The following CDH9 variants were observed in gnomAD, a reference collection of about 807,000 sequenced individuals.
CDH9 encodes cadherin-9.
In CDH9, 28 loss-of-function variants were observed where a neutral mutation model predicts 70.9. The observed-to-expected ratio is 0.40, with a 90% CI of 0.29 to 0.54. CDH9 has a LOEUF of 0.54. Among genes scored for constraint, CDH9 ranks in the 20% least tolerant of loss-of-function variants. The pLI is 0.59. For missense variants in CDH9, 874 were observed against 984.4 expected, an observed-to-expected ratio of 0.89 and a Z score of 1.50; for synonymous variants, 409 against 343.1, an observed-to-expected ratio of 1.19 and a Z score of -2.12.
intron 3 of CDH9, among the ~76,000 whole-genome samples, chr5:26,914,822 A>C (rs1741120150): frequency 6.6e-6 from 1 of 152,080 alleles, no homozygotes; most frequent in Non-Finnish European, 1.5e-5. Context: ...AATTTGGGAA[A>C]TTGGCTGCAG....
intron 1 of CDH9, among the ~76,000 whole-genome samples, chr5:26,996,969 T>A (rs1479818306): frequency 2.0e-5 from 3 of 152,002 alleles, no homozygotes. Flanking sequence ...GCTATCACCA[T>A]CAAATGTCCA....
chr5:26,996,987 A>C (rs1243576677), intron 1 of CDH9, among the ~76,000 whole-genome samples: 1 of 152,062 alleles, frequency 6.6e-6, no homozygotes, highest in African/African-American at 2.4e-5. Flanking sequence ...CCAGCTTAAA[A>C]AATTTAGTTT....
intron 1 of CDH9, among the ~76,000 whole-genome samples, chr5:26,994,264 GC>G (rs950189964): frequency 6.6e-5 from 10 of 152,230 alleles, no homozygotes; most frequent in Middle Eastern, 6.8e-3. Flanking sequence ...AGACTTTGGG[GC>G]CTATTGGGAT....
In CDH9 at chr5:26,906,843, A is replaced by G. The variant is rs376762439; in HGVS notation, c.524-5T>C. The G allele has an allele frequency of 2.1e-5, 34 of 1,598,672 alleles. No individual in the cohort carries two copies. In the African/African-American group the frequency reaches 3.5e-4, roughly 16 times the overall value. On this transcript the variant is annotated splice_region_variant and splice_polypyrimidine_tract_variant and intron_variant, in intron 3 of 11. Transcript: ENST00000231021. Reference sequence around the variant, plus strand: ...TTACTTGTATAACAGATGTACCTACATGAAACCCCCATCCCCAAACAGAGA... The same window carrying G: ...TTACTTGTATAACAGATGTACCTACGTGAAACCCCCATCCCCAAACAGAGA...
At chr5:26,899,650 G>A (rs1740816498) in intron 7 of CDH9, among the ~76,000 whole-genome samples, 1 of 151,696 alleles carries the variant, frequency 6.6e-6, no homozygotes, top group Non-Finnish European at 1.5e-5. Context: ...CCTGTAGAGG[G>A]TAAATGGAGT....
At chr5:26,890,328 G>C (rs1277318027) in intron 8 of CDH9, 100 bp downstream of exon 8, 2 of 916,358 alleles carry the variant, frequency 2.2e-6, no homozygotes, top group Non-Finnish European at 3.5e-6. Flanking sequence ...TCTTGCTAAG[G>C]ATACAATCAT....
Position 27,016,801 on chromosome 5 carries a change from A to C in CDH9, c.-50+21662T>G, listed in dbSNP as rs115703688. Among the ~76,000 whole-genome samples the C allele has an allele frequency of 8.9e-3, 1,358 of 151,958 alleles. 25 individuals are homozygous for C. Among genetic ancestry groups the C allele is most frequent in the African/African-American group, 0.031 (1,285 of 41,522 alleles). ...GAGAAAAAATAAAGAAGCACAGAGA[A>C]AGTTTAAAAGAGCACGTTGTTTCTT... is the stretch of plus-strand genomic sequence containing the variant. On this transcript the variant is annotated intron_variant, in intron 1 of 11. Transcript: ENST00000231021.
At chr5:26,908,734 T>C (rs1437942000) in intron 3 of CDH9, among the ~76,000 whole-genome samples, 1 of 152,214 alleles carries the variant, frequency 6.6e-6, no homozygotes, top group Non-Finnish European at 1.5e-5. Context: ...AACTCTATGA[T>C]GTGGCCAAAA....
At chr5:26,906,920 T>C in intron 3 of CDH9, 82 bp from the exon 4 acceptor site, 1 of 1,451,066 alleles carries the variant, frequency 6.9e-7, no homozygotes, top group Non-Finnish European at 9.2e-7. Flanking sequence ...TATGTTGCTC[T>C]CAGTGTTTTG....
intron 2 of CDH9, among the ~76,000 whole-genome samples, chr5:26,970,439 A>G (rs369339433): frequency 6.6e-6 from 1 of 152,068 alleles, no homozygotes; most frequent in East Asian, 1.9e-4. Context: ...GAGAAATGTG[A>G]AGAAAAACAA....
Position 27,032,573 on chromosome 5 carries a change from TCCC to T in CDH9, c.-50+5887_-50+5889del, listed in dbSNP as rs1177869744. 1.9e-4 allele frequency among the ~76,000 whole-genome samples: 29 copies of T among 151,760 alleles called. No individual in the cohort carries two copies. The East Asian group carries it at 5.7e-3, about 30-fold the overall frequency. The stretch of plus-strand genomic sequence containing the variant: ...CTTCCAACAGTTGAACCTATTCCAC[TCCC>T]TGCTTAATACATGTGTAAATGCTTT... On this transcript the variant is annotated intron_variant, in intron 1 of 11. Transcript: ENST00000231021.
At chr5:26,956,828 A>T (rs770780413) in intron 2 of CDH9, among the ~76,000 whole-genome samples, 1 of 152,150 alleles carries the variant, frequency 6.6e-6, no homozygotes, top group Non-Finnish European at 1.5e-5. Context: ...CACAGATTAG[A>T]CTGACACTCC....
intron 2 of CDH9, among the ~76,000 whole-genome samples, chr5:26,926,918 C>CGCCCCCT (rs1554037344): frequency 4.2e-5 from 2 of 47,670 alleles, no homozygotes; most frequent in Non-Finnish European, 9.3e-5. Context: ...AAAAATACAG[C>CGCCCCCT]CCCCCCCCGC....
At chr5:27,018,218 G>A (rs1371214938) in intron 1 of CDH9, among the ~76,000 whole-genome samples, 1 of 151,606 alleles carries the variant, frequency 6.6e-6, no homozygotes, top group African/African-American at 2.4e-5. Context: ...ACTGATTTAA[G>A]CTCCTATTTA....
intron 2 of CDH9, among the ~76,000 whole-genome samples, chr5:26,972,549 T>C (rs1364663608): frequency 1.3e-5 from 2 of 152,098 alleles, no homozygotes; most frequent in Non-Finnish European, 2.9e-5. Context: ...GCCCTCCCTA[T>C]ATAAGGATTT....
intron 3 of CDH9, among the ~76,000 whole-genome samples, chr5:26,908,349 T>TA (rs1740985890): frequency 6.6e-6 from 1 of 151,862 alleles, no homozygotes; most frequent in Non-Finnish European, 1.5e-5. Flanking sequence ...TGTTTTTTTT[T>TA]AATTTACATG....
At chr5:26,948,583 T>G (rs1741793112) in intron 2 of CDH9, among the ~76,000 whole-genome samples, 1 of 152,178 alleles carries the variant, frequency 6.6e-6, no homozygotes, top group Non-Finnish European at 1.5e-5. Flanking sequence ...CATGAGAGAA[T>G]GCATTTACAA....
At chr5:27,002,950 A>T in intron 1 of CDH9, among the ~76,000 whole-genome samples, 1 of 152,066 alleles carries the variant, frequency 6.6e-6, no homozygotes, top group East Asian at 1.9e-4. Context: ...ATAAATAAGT[A>T]AAATAAAAAG....
At chr5:26,923,677 T>C (rs1164938651) in intron 2 of CDH9, among the ~76,000 whole-genome samples, 1 of 151,986 alleles carries the variant, frequency 6.6e-6, no homozygotes, top group African/African-American at 2.4e-5. Context: ...CAAAACATAT[T>C]TTGAAAATCT....
Sources: gnomAD v4.1 joint callset for allele counts (sites outside exome capture counted in the v4.1 genomes callset) on GRCh38, gnomAD v4.1.1 for gene constraint, MANE v1.5 for transcripts, NCBI Gene and HGNC (gene_info 2026-07-23, HGNC 2026-07-21) for gene names.